The following RIMS1 variants were observed in gnomAD, a reference collection of about 807,000 sequenced individuals.
RIMS1 encodes the protein regulating synaptic membrane exocytosis 1, also known as regulating synaptic membrane exocytosis protein 1.
In RIMS1, 83 loss-of-function variants were observed where a neutral mutation model predicts 214.1. That is an observed-to-expected ratio of 0.39 (90% CI 0.32 to 0.47). The LOEUF is 0.47. Ranked by LOEUF, RIMS1 falls within the 20% of genes least tolerant of loss-of-function variation. RIMS1 has a pLI of 0.99. For synonymous variants in RIMS1, 793 were observed against 786.8 expected (o/e 1.01, Z -0.13); for missense variants, 2,050 against 2,161.8 (o/e 0.95, Z 1.03).
intron 2 of RIMS1, among the ~76,000 whole-genome samples, chr6:72,004,027 A>G (rs1197373730): frequency 1.8e-5 from 1 of 57,046 alleles, no homozygotes; most frequent in Non-Finnish European, 3.1e-5. Context: ...CCCTCCCCCC[A>G]CCCCAAAACA....
chr6:72,133,230 CTTT>C (rs55723782), intron 4 of RIMS1, among the ~76,000 whole-genome samples: 20 of 144,228 alleles, frequency 1.4e-4, no homozygotes, highest in South Asian at 2.2e-4. Context: ...TCTTTTCTCT[CTTT>C]TTTTTTTTTT....
intron 4 of RIMS1, among the ~76,000 whole-genome samples, chr6:72,106,956 T>C (rs1216614326): frequency 1.3e-5 from 2 of 152,332 alleles, no homozygotes; most frequent in African/African-American, 2.4e-5. Context: ...CTTTCTCTTA[T>C]ATACTTTCAT....
intron 28 of RIMS1, among the ~76,000 whole-genome samples, chr6:72,322,599 T>C (rs1184018032): frequency 6.6e-6 from 1 of 151,758 alleles, no homozygotes; most frequent in Non-Finnish European, 1.5e-5. Context: ...CAAGAACAAA[T>C]AATGAACAAC....
At chr6:72,336,732 C>G (rs1448297013) in intron 29 of RIMS1, among the ~76,000 whole-genome samples, 1 of 151,734 alleles carries the variant, frequency 6.6e-6, no homozygotes, top group Non-Finnish European at 1.5e-5. Context: ...TTTCAATCTT[C>G]TTGATCTTTC....
chr6:72,361,704 T>A (rs1165636408), intron 29 of RIMS1, among the ~76,000 whole-genome samples: 1 of 152,236 alleles, frequency 6.6e-6, no homozygotes, highest in African/African-American at 2.4e-5. Context: ...TCCTAGCCTC[T>A]AGTGGCTGCC....
intron 31 of RIMS1, among the ~76,000 whole-genome samples, chr6:72,394,710 A>G (rs1307474990): frequency 6.6e-6 from 1 of 151,168 alleles, no homozygotes; most frequent in Non-Finnish European, 1.5e-5. Context: ...TGATTTAAAA[A>G]GAAATCTTTA....
At chr6:72,298,088 A>G (rs775249995) in intron 26 of RIMS1, among the ~76,000 whole-genome samples, 17 of 151,988 alleles carry the variant, frequency 1.1e-4, no homozygotes, top group Non-Finnish European at 2.2e-4. Flanking sequence ...GGTTTTCCCA[A>G]GATGCAAGAC....
intron 29 of RIMS1, among the ~76,000 whole-genome samples, chr6:72,335,007 T>A (rs552971391): frequency 6.8e-4 from 103 of 151,992 alleles, no homozygotes; most frequent in Admixed American, 1.9e-3. Context: ...ATTTGTGTTG[T>A]TTCTTTTGTT....
intron 4 of RIMS1, among the ~76,000 whole-genome samples, chr6:72,156,626 C>G (rs2044480615): frequency 7.1e-6 from 1 of 139,950 alleles, no homozygotes; most frequent in Non-Finnish European, 1.6e-5. Flanking sequence ...AGTGTTCTAC[C>G]TCCCCACACA....
intron 28 of RIMS1, among the ~76,000 whole-genome samples, chr6:72,325,579 C>T (rs983855989): frequency 6.6e-6 from 1 of 151,334 alleles, no homozygotes; most frequent in Admixed American, 6.6e-5. Flanking sequence ...ATGAAATTTA[C>T]AAAATGCCAT....
chr6:72,368,938 A>G (rs2098131194), intron 29 of RIMS1, among the ~76,000 whole-genome samples: 1 of 151,952 alleles, frequency 6.6e-6, no homozygotes, highest in Admixed American at 6.6e-5. Flanking sequence ...GGACATCCCA[A>G]GTAAATGGGA....
intron 2 of RIMS1, among the ~76,000 whole-genome samples, chr6:72,051,302 T>C (rs1824597757): frequency 6.6e-6 from 1 of 152,168 alleles, no homozygotes; most frequent in Non-Finnish European, 1.5e-5. Flanking sequence ...ATAATCTCAT[T>C]CTGTTTTGTG....
At chr6:71,948,761 A>G (rs1788602749) in intron 1 of RIMS1, among the ~76,000 whole-genome samples, 1 of 152,196 alleles carries the variant, frequency 6.6e-6, no homozygotes, top group African/African-American at 2.4e-5. Flanking sequence ...CAGCTAACCT[A>G]GAGGAGAAGG....
chr6:72,118,852 T>C (rs1411037498), intron 4 of RIMS1, among the ~76,000 whole-genome samples: 1 of 151,396 alleles, frequency 6.6e-6, no homozygotes, highest in East Asian at 1.9e-4. Flanking sequence ...ATATGATGGA[T>C]CCAGAATGAA....
chr6:71,993,386 T>A (rs1436510217), intron 2 of RIMS1, among the ~76,000 whole-genome samples: 1 of 152,212 alleles, frequency 6.6e-6, no homozygotes, highest in Non-Finnish European at 1.5e-5. Flanking sequence ...TTTCTGTTTG[T>A]TCTCATGCCC....
At chr6:72,208,459 A>G (rs2053290250) in intron 6 of RIMS1, among the ~76,000 whole-genome samples, 1 of 152,216 alleles carries the variant, frequency 6.6e-6, no homozygotes, top group African/African-American at 2.4e-5. Flanking sequence ...ATGCTAAGAA[A>G]TGGAGCTCAG....
intron 11 of RIMS1, among the ~76,000 whole-genome samples, chr6:72,246,539 T>G (rs1416390011): frequency 6.6e-6 from 1 of 152,170 alleles, no homozygotes; most frequent in Non-Finnish European, 1.5e-5. Context: ...CCCCAGGTGT[T>G]CTTACAGAAC....
chr6:72,165,467 A>T (rs2046122537), intron 4 of RIMS1, among the ~76,000 whole-genome samples: 1 of 152,042 alleles, frequency 6.6e-6, no homozygotes, highest in South Asian at 2.1e-4. Context: ...TATTTTCATT[A>T]TGTATGTTTC....
intron 6 of RIMS1, among the ~76,000 whole-genome samples, chr6:72,208,951 T>C (rs1277343846): frequency 3.3e-5 from 5 of 152,114 alleles, no homozygotes; most frequent in Non-Finnish European, 5.9e-5. Flanking sequence ...TGGGTCAGGG[T>C]CTGGAAGCTT....
Sources: gnomAD v4.1 joint callset for allele counts (sites outside exome capture counted in the v4.1 genomes callset) on GRCh38, gnomAD v4.1.1 for gene constraint, MANE v1.5 for transcripts, NCBI Gene and HGNC (gene_info 2026-07-23, HGNC 2026-07-21) for gene names.